Variants in PPP3CA observed in about 807,000 individuals in gnomAD.
The protein encoded by PPP3CA is protein phosphatase 3 catalytic subunit alpha, also known as CAM-PRP catalytic subunit.
In PPP3CA, 14 loss-of-function variants were observed where a neutral mutation model predicts 66.5. The observed-to-expected ratio is 0.21, with a 90% CI of 0.14 to 0.33. The LOEUF is 0.33. PPP3CA is among the 10% of genes least tolerant of loss of function. PPP3CA has a pLI of 1.00. For synonymous variants in PPP3CA, 232 were observed against 226.2 expected (o/e 1.03, Z -0.23); for missense variants, 317 against 639.5 (o/e 0.50, Z 5.44).
intron 1 of PPP3CA, among the ~76,000 whole-genome samples, chr4:101,294,488 A>G (rs981246899): frequency 2.0e-5 from 3 of 152,178 alleles, no homozygotes; most frequent in Admixed American, 2.0e-4. Flanking sequence ...TTTTATAACC[A>G]CATATCAAGT....
chr4:101,060,059 T>A (rs1728395235), intron 10 of PPP3CA, among the ~76,000 whole-genome samples: 1 of 152,140 alleles, frequency 6.6e-6, no homozygotes, highest in South Asian at 2.1e-4. Context: ...AATCCATGGA[T>A]GCAGAACCCT....
In PPP3CA at chr4:101,312,421, A is replaced by AT. The variant is rs56735070; in HGVS notation, c.58+34317dup. Among the ~76,000 whole-genome samples the AT allele has an allele frequency of 4.9e-3, 752 of 152,106 alleles. 5 individuals carry two copies. Among genetic ancestry groups the AT allele is most frequent in the African/African-American group, 0.016 (675 of 41,556 alleles). ...AGAAAGCTGGAACTTATTAAACATTATTTTTTATTAAATAATAAAAGAATT... is the reference window on the plus strand; with the variant it reads ...AGAAAGCTGGAACTTATTAAACATTATTTTTTTATTAAATAATAAAAGAATT... On this transcript the variant is annotated intron_variant, in intron 1 of 13. Transcript: ENST00000394854.
Position 101,340,716 on chromosome 4 carries a change from T to A in PPP3CA, c.58+6023A>T, listed in dbSNP as rs570393876. 4.6e-5 allele frequency among the ~76,000 whole-genome samples: 7 copies of A among 152,300 alleles called. No individual in the cohort carries two copies. In the South Asian group the frequency reaches 1.4e-3, roughly 32 times the overall value. ...CTGAAATCCTATTTCATTGCCTACA[T>A]CAGTCCTACCTAATGACTGCTTTAA... is the stretch of plus-strand genomic sequence containing the variant. On this transcript the variant is annotated intron_variant, in intron 1 of 13. Coordinates refer to ENST00000394854, the MANE Select transcript of PPP3CA (RefSeq NM_000944.5).
rs544808385 is a variant in PPP3CA at position 101,174,435 on chromosome 4, G to A, written c.259+21481C>T. 2.4e-3 allele frequency among the ~76,000 whole-genome samples: 358 copies of A among 152,112 alleles called. 3 individuals are homozygous for A. Among genetic ancestry groups the A allele is most frequent in the African/African-American group, 8.2e-3 (339 of 41,518 alleles). On this transcript the variant is annotated intron_variant, in intron 2 of 13. Transcript: ENST00000394854. ...TTATTTTTAAAAGAAATAATACATCGTTTTGTATTTATGTATTCTTATAAT... is the reference window on the plus strand; with the variant it reads ...TTATTTTTAAAAGAAATAATACATCATTTTGTATTTATGTATTCTTATAAT...
chr4:101,281,261 TG>T (rs1405627948), intron 1 of PPP3CA, among the ~76,000 whole-genome samples: 1 of 152,208 alleles, frequency 6.6e-6, no homozygotes, highest in African/African-American at 2.4e-5. Flanking sequence ...ATAATTCTTT[TG>T]GAGAGTTTTG....
chr4:101,229,279 C>G (rs188133409), intron 1 of PPP3CA, among the ~76,000 whole-genome samples: 1 of 151,136 alleles, frequency 6.6e-6, no homozygotes, highest in African/African-American at 2.4e-5. Context: ...AGAAAAATGC[C>G]TTGTGGTTTT....
chr4:101,201,280 T>C (rs186928938), intron 1 of PPP3CA, among the ~76,000 whole-genome samples: 1 of 152,352 alleles, frequency 6.6e-6, no homozygotes, highest in African/African-American at 2.4e-5. Flanking sequence ...ATTAAATTTC[T>C]TAGCCTTTCT....
intron 2 of PPP3CA, among the ~76,000 whole-genome samples, chr4:101,179,175 G>A (rs1233530925): frequency 6.6e-6 from 1 of 151,930 alleles, no homozygotes; most frequent in Admixed American, 6.6e-5. Flanking sequence ...AAACAAAAGA[G>A]GTGTCCAGGT....
At chr4:101,305,858 T>C (rs1728519583) in intron 1 of PPP3CA, among the ~76,000 whole-genome samples, 1 of 149,378 alleles carries the variant, frequency 6.7e-6, no homozygotes, top group African/African-American at 2.6e-5. Flanking sequence ...CAGAAAATGT[T>C]TTTAAGGACA....
At chr4:101,131,044 C>A (rs1722413141) in intron 2 of PPP3CA, among the ~76,000 whole-genome samples, 1 of 151,952 alleles carries the variant, frequency 6.6e-6, no homozygotes, top group Non-Finnish European at 1.5e-5. Flanking sequence ...CCTGGCCAGG[C>A]TGGCCAACCT....
At chr4:101,051,602 T>C (rs1393462507) in intron 10 of PPP3CA, among the ~76,000 whole-genome samples, 1 of 152,146 alleles carries the variant, frequency 6.6e-6, no homozygotes, top group African/African-American at 2.4e-5. Context: ...TCAACCCTGT[T>C]TGCGAGAAGT....
intron 1 of PPP3CA, among the ~76,000 whole-genome samples, chr4:101,271,385 C>A (rs1004421418): frequency 1.3e-5 from 2 of 151,992 alleles, no homozygotes; most frequent in Non-Finnish European, 2.9e-5. Flanking sequence ...CACCAGCATA[C>A]CACCAGTTAC....
At chr4:101,031,556 A>G (rs1384103507) in intron 12 of PPP3CA, among the ~76,000 whole-genome samples, 3 of 152,138 alleles carry the variant, frequency 2.0e-5, no homozygotes, top group Non-Finnish European at 4.4e-5. Flanking sequence ...GAAAACGTTT[A>G]GTTTCTTGGT....
At chr4:101,256,419 A>G (rs1473026073) in intron 1 of PPP3CA, among the ~76,000 whole-genome samples, 1 of 152,014 alleles carries the variant, frequency 6.6e-6, no homozygotes, top group Non-Finnish European at 1.5e-5. Flanking sequence ...ATGATGGTAC[A>G]TAAACATTGC....
intron 2 of PPP3CA, among the ~76,000 whole-genome samples, chr4:101,131,790 C>T (rs1722450362): frequency 6.6e-6 from 1 of 152,200 alleles, no homozygotes; most frequent in African/African-American, 2.4e-5. Context: ...CCCAAATCAA[C>T]AGAATATACA....
intron 8 of PPP3CA, among the ~76,000 whole-genome samples, chr4:101,075,992 G>T (rs985877451): frequency 1.3e-5 from 2 of 152,136 alleles, no homozygotes; most frequent in Non-Finnish European, 2.9e-5. Flanking sequence ...AAGGTTTATT[G>T]TATTGGTGAG....
chr4:101,202,845 ACTT>A (rs1725012355), intron 1 of PPP3CA, among the ~76,000 whole-genome samples: 1 of 152,170 alleles, frequency 6.6e-6, no homozygotes, highest in South Asian at 2.1e-4. Context: ...TGCTATGATG[ACTT>A]CTTCTATCCT....
chr4:101,069,593 T>C (rs950125483), intron 8 of PPP3CA, among the ~76,000 whole-genome samples: 1 of 152,190 alleles, frequency 6.6e-6, no homozygotes, highest in African/African-American at 2.4e-5. Context: ...CATGTGTGCA[T>C]GTGTGTGTAC....
intron 7 of PPP3CA, among the ~76,000 whole-genome samples, chr4:101,082,596 C>T (rs912155561): frequency 6.6e-6 from 1 of 152,096 alleles, no homozygotes; most frequent in Non-Finnish European, 1.5e-5. Flanking sequence ...TCTAAACCTC[C>T]AAAATTGTTC....
Sources: allele counts gnomAD v4.1 joint callset (sites outside exome capture counted in the v4.1 genomes callset), GRCh38; gene constraint gnomAD v4.1.1; transcripts MANE v1.5; gene names NCBI Gene and HGNC (gene_info 2026-07-23, HGNC 2026-07-21).